The following TOGARAM2 variants were observed in gnomAD, a reference collection of about 807,000 sequenced individuals.
TOGARAM2 encodes the protein TOG array regulator of axonemal microtubules 2.
Under a neutral mutation model 93.3 loss-of-function variants are expected in TOGARAM2, and 85 were observed. That is an observed-to-expected ratio of 0.91 (90% CI 0.76 to 1.09). TOGARAM2 has a LOEUF of 1.09. TOGARAM2 is among the 50% of genes least tolerant of loss of function. The pLI is 0.00. For synonymous variants in TOGARAM2, 593 were observed against 552.8 expected (o/e 1.07, Z -1.02); for missense variants, 1,277 against 1,334.5 (o/e 0.96, Z 0.67).
chr2:28,986,761 C>T (rs1484338061), intron 1 of TOGARAM2, among the ~76,000 whole-genome samples: 1 of 152,236 alleles, frequency 6.6e-6, no homozygotes, highest in African/African-American at 2.4e-5. Context: ...TCCTGAACAT[C>T]TGAACACAGC....
chr2:28,964,110 A>G (rs1671835838), intron 1 of TOGARAM2, among the ~76,000 whole-genome samples: 1 of 152,344 alleles, frequency 6.6e-6, no homozygotes, highest in East Asian at 1.9e-4. Context: ...TACTTTTTGT[A>G]TCTACTTCTC....
intron 13 of TOGARAM2, among the ~76,000 whole-genome samples, chr2:29,025,332 C>T (rs969357341): frequency 6.6e-6 from 1 of 152,162 alleles, no homozygotes; most frequent in East Asian, 1.9e-4. Context: ...GGTGCCTGCC[C>T]ATTCCTGACA....
At chr2:29,048,337 C>T (rs1051561903) in intron 19 of TOGARAM2, 11 of 152,138 alleles carry the variant, frequency 7.2e-5, no homozygotes, top group African/African-American at 2.7e-4. Context: ...CTATATCACC[C>T]CCCATTAAAA....
chr2:28,975,547 A>C (rs1325928359), intron 1 of TOGARAM2, among the ~76,000 whole-genome samples: 3 of 152,094 alleles, frequency 2.0e-5, no homozygotes, highest in Admixed American at 6.6e-5. Flanking sequence ...ATAATTGCAA[A>C]TTGAAGCATT....
chr2:29,023,050 C>T lies in TOGARAM2; in HGVS notation c.1512-36C>T. On this transcript the variant is annotated intron_variant, in intron 11 of 19. Coordinates refer to ENST00000379558, the MANE Select transcript of TOGARAM2 (RefSeq NM_199280.4). ...CAGAGGGGTGGGGCTCCTCCCTCTC[C>T]ACCCTTCTGCAACAGGGCCTGGCCT... 1.3e-6 allele frequency: 2 copies of T among 1,549,828 alleles called. 1 individual carries two copies. The highest frequency in any genetic ancestry group is 3.3e-4 in the Middle Eastern group (2 of 5,974).
chr2:28,978,945 T>C (rs1672074153), upstream of TOGARAM2, among the ~76,000 whole-genome samples: 2 of 152,136 alleles, frequency 1.3e-5, no homozygotes, highest in African/African-American at 2.4e-5. Context: ...CTTAAACAAT[T>C]TGGGGGCTTC....
chr2:28,976,762 A>G (rs573397787), upstream of TOGARAM2, among the ~76,000 whole-genome samples: 42 of 152,318 alleles, frequency 2.8e-4, no homozygotes, highest in Non-Finnish European at 3.5e-4. Flanking sequence ...TGCATACATT[A>G]TTCTAGAGTT....
chr2:29,023,309 T>C, intron 12 of TOGARAM2, 118 bp downstream of exon 12: 1 of 801,476 alleles, frequency 1.2e-6, no homozygotes, highest in South Asian at 1.8e-5. Flanking sequence ...TGCTTATTTC[T>C]CAGCCTTCAG....
Position 29,036,526 on chromosome 2 carries a change from C to G in TOGARAM2, c.2419-15C>G. 1 of 1,613,670 alleles carries G rather than the reference C, an allele frequency of 6.2e-7. No individual in the cohort carries two copies. Among genetic ancestry groups the G allele is most frequent in the Non-Finnish European group, 8.5e-7 (1 of 1,179,722 alleles). Reference sequence around the variant, plus strand: ...CTGGGTTCCCATGGGCTCTTGGTTTCTGTTTCTTCAATAGGTCTTTGATGC... The same window carrying G: ...CTGGGTTCCCATGGGCTCTTGGTTTGTGTTTCTTCAATAGGTCTTTGATGC... On this transcript the variant is annotated splice_polypyrimidine_tract_variant and intron_variant, in intron 17 of 19. Coordinates refer to ENST00000379558, the MANE Select transcript of TOGARAM2 (RefSeq NM_199280.4).
chr2:29,035,334 G>A, intron 16 of TOGARAM2, 130 bp from the exon 17 acceptor site: 1 of 772,136 alleles, frequency 1.3e-6, no homozygotes, highest in Non-Finnish European at 1.8e-6. Flanking sequence ...GGAAGCTGGG[G>A]GTGGACTAAC....
Position 28,999,222 on chromosome 2 carries a change from G to A in TOGARAM2, c.181G>A (p.Glu61Lys), listed in dbSNP as rs557184544. The A allele has an allele frequency of 2.5e-6, 4 of 1,613,846 alleles. No homozygotes were observed. In the South Asian group the frequency reaches 4.4e-5, roughly 18 times the overall value. The change falls in exon 4 of 20, where the codon GAA (glutamate) becomes AAA (lysine). Residue 61 changes from glutamate (E) to lysine (K), a missense_variant. Coordinates refer to ENST00000379558, the MANE Select transcript of TOGARAM2 (RefSeq NM_199280.4). ...GCCAAGAGCCCTGCTGAACAACGAG[G>A]AACCGTCACAGCTCCTGCGTGGACT... ...PEPRALLNNE[E>K]PSQLLRGLGQ... is the part of the protein sequence containing the mutation.
intron 1 of TOGARAM2, among the ~76,000 whole-genome samples, chr2:28,983,271 C>T (rs947295834): frequency 1.9e-5 from 2 of 102,864 alleles, no homozygotes; most frequent in Admixed American, 1.1e-4. Context: ...GTCTCGAATT[C>T]CTGGCTCAGG....
chr2:28,965,596 C>T (rs1671856024), intron 1 of TOGARAM2, among the ~76,000 whole-genome samples: 1 of 152,220 alleles, frequency 6.6e-6, no homozygotes, highest in Non-Finnish European at 1.5e-5. Flanking sequence ...CTCACTGCTT[C>T]TCAGCAGCTC....
Position 29,021,259 on chromosome 2 carries a change from C to G in TOGARAM2, c.1361-899C>G, listed in dbSNP as rs573834041. Reference sequence around the variant, plus strand: ...GGGCTTCCTCTCCACTCAGACTTGCCTAGGACCTCCAGATGTACTGTGGTG... The same window carrying G: ...GGGCTTCCTCTCCACTCAGACTTGCGTAGGACCTCCAGATGTACTGTGGTG... On this transcript the variant is annotated intron_variant, in intron 10 of 19. Transcript: ENST00000379558. Among the ~76,000 whole-genome samples the G allele has an allele frequency of 3.3e-5, 5 of 152,296 alleles. No homozygotes were observed. The South Asian group carries it at 1.0e-3, about 32-fold the overall frequency.
chr2:29,008,454 T>TAAA (rs1401991032), intron 6 of TOGARAM2, among the ~76,000 whole-genome samples: 26 of 150,828 alleles, frequency 1.7e-4, no homozygotes, highest in Non-Finnish European at 2.1e-4. Context: ...CCCAGCCAAT[T>TAAA]AAAAATATAT....
At chr2:29,024,483 G>A (rs1665202125) in intron 13 of TOGARAM2, 109 bp downstream of exon 13, 1 of 767,202 alleles carries the variant, frequency 1.3e-6, no homozygotes, top group Admixed American at 2.2e-5. Context: ...AGGGAGGGAG[G>A]GAAGCAGGCA....
intron 18 of TOGARAM2, among the ~76,000 whole-genome samples, chr2:29,040,442 G>A (rs1004515093): frequency 6.6e-6 from 1 of 152,202 alleles, no homozygotes; most frequent in Non-Finnish European, 1.5e-5. Context: ...TTTTTCCTGT[G>A]CACATTTGTG....
At chr2:29,004,834 TG>T (rs1223639012) in intron 6 of TOGARAM2, among the ~76,000 whole-genome samples, 3 of 150,414 alleles carry the variant, frequency 2.0e-5, no homozygotes, top group African/African-American at 7.5e-5. Flanking sequence ...TGTGCATGTA[TG>T]TGTATGAGTG....
chr2:29,002,239 C>T lies in TOGARAM2; in HGVS notation c.428-297C>T, dbSNP rs983096877. 5.9e-5 allele frequency among the ~76,000 whole-genome samples: 9 copies of T among 152,218 alleles called. No individual in the cohort carries two copies. In the South Asian group the frequency reaches 6.2e-4, roughly 11 times the overall value. On this transcript the variant is annotated intron_variant, in intron 4 of 19. Transcript: ENST00000379558. ...CTCGAGGTCACATAGCTTCTACCCA[C>T]GGCCAGGACCTGCCATGCTTCCTCC... is the stretch of plus-strand genomic sequence containing the variant.
Sources: gnomAD v4.1 joint callset for allele counts (sites outside exome capture counted in the v4.1 genomes callset) on GRCh38, gnomAD v4.1.1 for gene constraint, MANE v1.5 for transcripts, NCBI Gene and HGNC (gene_info 2026-07-23, HGNC 2026-07-21) for gene names.